MSLN: variants seen among roughly 807,000 people sequenced by gnomAD.
The protein encoded by MSLN is CAK1 antigen.
Under a neutral mutation model 72.6 loss-of-function variants are expected in MSLN, and 82 were observed. The observed-to-expected ratio is 1.13, with a 90% confidence interval of 0.94 to 1.36. The LOEUF (loss-of-function observed/expected upper bound fraction) is 1.36. Among genes scored for constraint, MSLN ranks in the 40% most tolerant of loss-of-function variants. The pLI is 0.00. For synonymous variants in MSLN, 456 were observed against 387.3 expected (o/e 1.18, Z -2.08); for missense variants, 1,005 against 847.9 (o/e 1.19, Z -2.30).
In MSLN at chr16:768,648, AGG is replaced by A; in HGVS notation, c.1785_1786del (p.Glu595AspfsTer?). ...CTCTGAGTCACCCCTCTCTCTGTAG[AGG>A]CCCTCTCGGGGACGCCCTGCCTCCT... On this transcript the variant is annotated frameshift_variant and splice_region_variant, in exon 18 of 18. Transcript: ENST00000545450. LOFTEE classifies it low-confidence loss of function (END_TRUNC). 31 of 1,610,620 alleles carry A rather than the reference AGG, an allele frequency of 1.9e-5. No homozygotes were observed. Among genetic ancestry groups the A allele is most frequent in the Non-Finnish European group, 2.5e-5 (30 of 1,179,336 alleles).
At position 763,232 on chromosome 16, in the gene MSLN, G is replaced by A; in HGVS notation, c.86-1G>A. 1 of 1,538,300 alleles carries A rather than the reference G, an allele frequency of 6.5e-7. No individual in the cohort carries two copies. The highest frequency in any genetic ancestry group is 8.8e-7 in the Non-Finnish European group (1 of 1,142,726). ...CCAAGCTGTCCCCTCTGCCCCTTTA[G>A]GATGGGTGCAGCCCTCGAGGACCCT... On this transcript the variant is annotated splice_acceptor_variant, in intron 3 of 17. Transcript: ENST00000545450. LOFTEE classifies it high-confidence loss of function.
rs777863778 is a variant in MSLN, at chr16:765,748, G to A, written c.853G>A (p.Glu285Lys). 1.2e-6 allele frequency: 2 copies of A among 1,600,562 alleles called. No homozygotes were observed. The highest frequency in any genetic ancestry group is 3.3e-5 in the Admixed American group (2 of 59,986). The change falls in exon 11 of 18, where the codon GAA becomes AAA. Residue 285 changes from glutamate to lysine, a missense_variant. By Grantham distance (56) the Glu-to-Lys change is moderately conservative. Transcript: ENST00000545450. ...TCGGGACCCATCCTGGCGGCAGCCT[G>A]AACGGACCATCCTCCGGCCGCGGTT... ...SSRDPSWRQP[E>K]RTILRPRFRR...
In MSLN at chr16:766,919, C is replaced by A; in HGVS notation, c.1408C>A (p.Pro470Thr). The A allele has an allele frequency of 6.2e-7, 1 of 1,612,572 alleles. No homozygotes were observed. Among genetic ancestry groups the A allele is most frequent in the Non-Finnish European group, 8.5e-7 (1 of 1,179,854 alleles). Residue 470 changes from proline to threonine, a missense_variant, in exon 15 of 18, where the codon CCA (proline) becomes ACA (threonine). Transcript: ENST00000545450. Reference protein sequence around the residue: ...VRPQDLDTCDPRQLDVLYPKA... With the variant: ...VRPQDLDTCDTRQLDVLYPKA... ...GCCCCAGGACCTGGACACGTGTGAC[C>A]CAAGGCAGCTGGACGTCCTCTATCC... is the stretch of plus-strand genomic sequence containing the variant.
At position 767,421 on chromosome 16, in the gene MSLN, T is replaced by G. The variant is rs777478368; in HGVS notation, c.1547T>G (p.Val516Gly). 6.3e-7 allele frequency: 1 copy of G among 1,580,262 alleles called. No homozygotes were observed. The highest frequency in any genetic ancestry group is 8.6e-7 in the Non-Finnish European group (1 of 1,162,818). The change falls in exon 16 of 18, where the codon GTG becomes GGG. Residue 516 changes from valine to glycine, a missense_variant. Physicochemically the swap from Val to Gly is moderately radical, Grantham distance 109 (BLOSUM62 -3). Coordinates refer to ENST00000545450, the MANE Select transcript of MSLN (RefSeq NM_005823.6). ...EDLKALSQQN[V>G]SMDLATFMKL... ...TTGAAGGCGCTCAGTCAGCAGAATG[T>G]GAGCATGGACTTGGCCACGTTCATG...
rs2041629499 is a variant in MSLN, at chr16:767,378, G to A, written c.1504G>A (p.Gly502Arg). ...YFVKIQSFLGGAPTEDLKALS... is the reference protein window; with the variant it reads ...YFVKIQSFLGRAPTEDLKALS... ...CGGGCCCCTCTCCCGGCGGGCAGGT[G>A]GGGCCCCCACGGAGGATTTGAAGGC... Residue 502 changes from glycine (G) to arginine (R), a missense_variant and splice_region_variant, in exon 16 of 18, where the codon GGG becomes AGG. By Grantham distance (125) the Gly-to-Arg change is moderately radical. Transcript: ENST00000545450. 6.2e-7 allele frequency: 1 copy of A among 1,610,856 alleles called. No homozygotes were observed. The highest frequency in any genetic ancestry group is 1.3e-5 in the African/African-American group (1 of 74,474).
rs73491258 is a variant in MSLN, at chr16:766,506, G to T, written c.1230+16G>T. The T allele has an allele frequency of 4.9e-3, 7,933 of 1,612,336 alleles. 177 individuals carry two copies. In the African/African-American group the frequency reaches 0.063, roughly 13 times the overall value. ...GAGTCCTCAGGTGACCGTCCGGCTC[G>T]GGGGTCATGTGGCATGAGATTGGGA... On this transcript the variant is annotated intron_variant, in intron 13 of 17. Transcript: ENST00000545450.
At position 764,696 on chromosome 16, in the gene MSLN, C is replaced by T. The variant is rs1487876086; in HGVS notation, c.350C>T (p.Ala117Val). 8.7e-6 allele frequency: 14 copies of T among 1,612,270 alleles called. No homozygotes were observed. The highest frequency in any genetic ancestry group is 1.3e-5 in the African/African-American group (1 of 74,924). The change falls in exon 7 of 18, where the codon GCC becomes GTC. Residue 117 changes from alanine to valine, a missense_variant. Ala to Val is a moderately conservative substitution (Grantham distance 64). Transcript: ENST00000545450. ...TCTGAGCCCCCCGAGGACCTGGACG[C>T]CCTCCCATTGGACCTGCTGCTATTC... ...RLSEPPEDLD[A>V]LPLDLLLFLN...
chr16:764,765 C>T (rs1411280761), intron 7 of MSLN, 39 bp downstream of exon 7: 2 of 1,526,438 alleles, frequency 1.3e-6, no homozygotes, highest in Non-Finnish European at 1.8e-6. Context: ...CCGGCTTTTG[C>T]CGCCAGCCCT....
intron 5 of MSLN, 21 bp downstream of exon 5, chr16:763,712 G>T: frequency 8.7e-7 from 1 of 1,149,724 alleles, no homozygotes; most frequent in Non-Finnish European, 1.1e-6. Context: ...GGTCCTCACA[G>T]TCCTCAAGGG....
Position 766,433 on chromosome 16 carries a change from C to T in MSLN, c.1173C>T (p.Ser391=). ...ACATTCGCAAGTGGAATGTGACGTC[C>T]CTGGAGACCCTGAAGGCTTTGCTTG... The part of the protein sequence containing the change: ...PEDIRKWNVT[S]LETLKALLEV... Residue 391 remains serine, a synonymous_variant, in exon 13 of 18, where the codon TCC becomes TCT. Coordinates refer to ENST00000545450, the MANE Select transcript of MSLN (RefSeq NM_005823.6). The T allele has an allele frequency of 6.2e-7, 1 of 1,612,688 alleles. No homozygotes were observed. Among genetic ancestry groups the T allele is most frequent in the Non-Finnish European group, 8.5e-7 (1 of 1,179,922 alleles).
In MSLN at chr16:768,499, A is replaced by T; in HGVS notation, c.1717A>T (p.Thr573Ser). The change falls in exon 17 of 18, where the codon ACG becomes TCG. Residue 573 changes from threonine to serine, a missense_variant. Physicochemically the swap from Thr to Ser is moderately conservative, Grantham distance 58 (BLOSUM62 1). Coordinates refer to ENST00000545450, the MANE Select transcript of MSLN (RefSeq NM_005823.6). ...ACGGCAGCGGCAGGACGACCTGGACACGCTGGGGCTGGGGCTACAGGGCGG... is the reference window on the plus strand; with the variant it reads ...ACGGCAGCGGCAGGACGACCTGGACTCGCTGGGGCTGGGGCTACAGGGCGG... ...ILRQRQDDLD[T>S]LGLGLQGGIP... 3 of 1,586,532 alleles carry T rather than the reference A, an allele frequency of 1.9e-6. No individual in the cohort carries two copies. The highest frequency in any genetic ancestry group is 2.6e-6 in the Non-Finnish European group (3 of 1,164,210).
At position 765,350 on chromosome 16, in the gene MSLN, T is replaced by C. The variant is rs184742355; in HGVS notation, c.704+47T>C. On this transcript the variant is annotated intron_variant, in intron 9 of 17. Coordinates refer to ENST00000545450, the MANE Select transcript of MSLN (RefSeq NM_005823.6). Reference sequence around the variant, plus strand: ...CTCGAAGGCTCACCTGGCGGCGTGGTATCAGCAGCGTGAGGACACTTGCGG... The same window carrying C: ...CTCGAAGGCTCACCTGGCGGCGTGGCATCAGCAGCGTGAGGACACTTGCGG... The C allele has an allele frequency of 5.9e-4, 883 of 1,495,824 alleles. 7 individuals are homozygous for C. Among genetic ancestry groups the C allele is most frequent in the Admixed American group, 5.7e-3 (267 of 46,838 alleles). 92.7% of individuals were successfully genotyped at this position (1,495,824 alleles called of 1,614,324 possible). A position where few individuals can be genotyped will look rare whatever the true frequency, so the allele number is the denominator to read the frequency against.
Position 768,284 on chromosome 16 carries a change from G to T in MSLN, c.1597-95G>T, listed in dbSNP as rs1186311835. ...TGGAGAGGCTGCGGTGGGCATCTGTGGGTGGGGCAGTTTGGACACAGGAGA... is the reference window on the plus strand; with the variant it reads ...TGGAGAGGCTGCGGTGGGCATCTGTTGGTGGGGCAGTTTGGACACAGGAGA... On this transcript the variant is annotated intron_variant, in intron 16 of 17. Transcript: ENST00000545450. 9.2e-6 allele frequency: 12 copies of T among 1,307,298 alleles called. No homozygotes were observed. The East Asian group carries it at 2.9e-4, about 32-fold the overall frequency. The allele number at this position is 1,307,298 out of a possible 1,614,324, so 81.0% of individuals were successfully genotyped here. A position where few individuals can be genotyped will look rare whatever the true frequency, so the allele number is the denominator to read the frequency against.
chr16:768,257 TC>T (rs1268001282), intron 16 of MSLN, 121 bp from the exon 17 acceptor site: 2 of 1,013,588 alleles, frequency 2.0e-6, no homozygotes, highest in Middle Eastern at 6.4e-4. Flanking sequence ...ACCTCCGAAG[TC>T]TGGAGAGGCT....
rs753038910 is a variant in MSLN at position 766,176 on chromosome 16, G to T, written c.1013G>T (p.Arg338Leu). ...GCCCTGCTGGCCACCCAGATGGACC[G>T]CGTGAACGCCATCCCCTTCACCTAC... ...DAALLATQMD[R>L]VNAIPFTYEQ... Residue 338 changes from arginine to leucine, a missense_variant, in exon 12 of 18, where the codon CGC becomes CTC. Arg to Leu is a moderately radical substitution (Grantham distance 102). Coordinates refer to ENST00000545450, the MANE Select transcript of MSLN (RefSeq NM_005823.6). 1.4e-5 allele frequency: 22 copies of T among 1,612,562 alleles called. No homozygotes were observed. The highest frequency in any genetic ancestry group is 1.8e-5 in the Non-Finnish European group (21 of 1,179,860).
In MSLN at chr16:767,119, A is replaced by G; in HGVS notation, c.1501+107A>G. On this transcript the variant is annotated intron_variant, in intron 15 of 17. Coordinates refer to ENST00000545450, the MANE Select transcript of MSLN (RefSeq NM_005823.6). ...TCGCCGGGCCGTCTGCTGCCAGGGT[A>G]ACTGGGTGGTCACCCGCCCTCTGCC... 5 of 1,537,276 alleles carry G rather than the reference A, an allele frequency of 3.3e-6. No individual in the cohort carries two copies. In the South Asian group the frequency reaches 4.7e-5, roughly 15 times the overall value.
chr16:764,649 G>A lies in MSLN; in HGVS notation c.303G>A (p.Leu101=). The change falls in exon 7 of 18, where the codon CTG becomes CTA. Residue 101 remains leucine (L), a splice_region_variant and synonymous_variant. Transcript: ENST00000545450. ...TGCTGGACTCCCTGCCCCTGCAGCT[G>A]CGCTGTCTGGCTCACCGGCTCTCTG... ...QKNVKLSTEQ[L]RCLAHRLSEP... 6.2e-7 allele frequency: 1 copy of A among 1,612,288 alleles called. No individual in the cohort carries two copies. The highest frequency in any genetic ancestry group is 1.7e-5 in the Admixed American group (1 of 60,018).
In MSLN at chr16:765,007, C is replaced by T. The variant is rs142434090; in HGVS notation, c.481C>T (p.Arg161Trp). ...LLPRGAPERQ[R>W]LLPAALACWG... ...CCCGAGGGGGGCTCCCGAGCGACAG[C>T]GGCTGCTGCCTGCGGCTCTGGCCTG... Residue 161 changes from arginine (R) to tryptophan (W), a missense_variant, in exon 8 of 18, where the codon CGG becomes TGG. Transcript: ENST00000545450. 4 of 1,611,434 alleles carry T rather than the reference C, an allele frequency of 2.5e-6. No homozygotes were observed. The highest frequency in any genetic ancestry group is 3.4e-6 in the Non-Finnish European group (4 of 1,179,514).
chr16:768,767 G>A lies in MSLN; in HGVS notation c.*34G>A, dbSNP rs1470202626. 3.1e-6 allele frequency: 5 copies of A among 1,602,372 alleles called. No homozygotes were observed. Among genetic ancestry groups the A allele is most frequent in the African/African-American group, 2.7e-5 (2 of 74,682 alleles). On this transcript the variant is annotated 3_prime_UTR_variant, in exon 18 of 18. Transcript: ENST00000545450. ...CTCCCTTGCTGGCCCCAGCCCTGCT[G>A]GGGATCCCCGCCTGGCCAGGAGCAG...
Sources: gnomAD v4.1 joint callset for allele counts on GRCh38, gnomAD v4.1.1 for gene constraint, MANE v1.5 for transcripts, NCBI Gene and HGNC (gene_info 2026-07-23, HGNC 2026-07-21) for gene names.